ARNT2: variants seen among roughly 807,000 people sequenced by gnomAD.
ARNT2 encodes the protein ARNT protein 2.
In ARNT2, 36 loss-of-function variants were observed where a neutral mutation model predicts 91.7. That is an observed-to-expected ratio of 0.39 (90% CI 0.30 to 0.52). The LOEUF (loss-of-function observed/expected upper bound fraction) is 0.52. Ranked by LOEUF, ARNT2 falls within the 20% of genes least tolerant of loss-of-function variation. The pLI, the probability that ARNT2 is intolerant of heterozygous loss-of-function variation, is 0.72. For synonymous variants in ARNT2, 365 were observed against 347.1 expected, an observed-to-expected ratio of 1.05 and a Z score of -0.57; for missense variants, 775 against 939.3, an observed-to-expected ratio of 0.83 and a Z score of 2.29.
chr15:80,583,627 A>G (rs188612707), intron 17 of ARNT2, among the ~76,000 whole-genome samples: 2 of 152,358 alleles, frequency 1.3e-5, no homozygotes, highest in East Asian at 1.9e-4. Flanking sequence ...AGTGCTCACA[A>G]TAGCCCTAAG....
At chr15:80,480,136 A>C (rs748704483) in intron 5 of ARNT2, among the ~76,000 whole-genome samples, 3 of 152,176 alleles carry the variant, frequency 2.0e-5, no homozygotes, top group Non-Finnish European at 4.4e-5. Flanking sequence ...TGCCAGGATC[A>C]GATGGGAGTG....
At chr15:80,424,054 T>G (rs977976598) in intron 1 of ARNT2, among the ~76,000 whole-genome samples, 1 of 152,180 alleles carries the variant, frequency 6.6e-6, no homozygotes, top group Non-Finnish European at 1.5e-5. Flanking sequence ...CCCAGTTGCA[T>G]CTTACCAATG....
intron 1 of ARNT2, among the ~76,000 whole-genome samples, chr15:80,413,515 T>G (rs895275242): frequency 6.6e-6 from 1 of 152,202 alleles, no homozygotes; most frequent in Non-Finnish European, 1.5e-5. Flanking sequence ...AAATGCACAT[T>G]CAGGAGTTGT....
chr15:80,427,246 G>C (rs1390409793), intron 1 of ARNT2, among the ~76,000 whole-genome samples: 1 of 152,194 alleles, frequency 6.6e-6, no homozygotes, highest in East Asian at 1.9e-4. Context: ...GGCTGGGGCT[G>C]TGTGAGTGGG....
chr15:80,580,649 C>G, intron 16 of ARNT2, 100 bp downstream of exon 16: 1 of 1,506,092 alleles, frequency 6.6e-7, no homozygotes, highest in South Asian at 1.2e-5. Flanking sequence ...TGGGTCGGCT[C>G]CTAGCTGGAA....
intron 16 of ARNT2, 28 bp downstream of exon 16, chr15:80,580,577 C>T (rs766994228): frequency 2.5e-6 from 4 of 1,613,168 alleles, no homozygotes; most frequent in Middle Eastern, 1.9e-4. Flanking sequence ...GGCATCTCCC[C>T]TGGGTGACCA....
intron 8 of ARNT2, among the ~76,000 whole-genome samples, chr15:80,520,243 A>G (rs1897518786): frequency 6.6e-6 from 1 of 152,196 alleles, no homozygotes; most frequent in African/African-American, 2.4e-5. Context: ...CTGAAGATGT[A>G]GACTCAAGAG....
chr15:80,494,059 A>G (rs1010902818), intron 5 of ARNT2, among the ~76,000 whole-genome samples: 4 of 152,116 alleles, frequency 2.6e-5, no homozygotes, highest in African/African-American at 9.7e-5. Context: ...TGCTTCTTAT[A>G]CAGCTTGCAG....
At chr15:80,491,579 C>A (rs1897056433) in intron 5 of ARNT2, among the ~76,000 whole-genome samples, 1 of 152,112 alleles carries the variant, frequency 6.6e-6, no homozygotes. Context: ...AACCATTATG[C>A]ACTTGGAATT....
chr15:80,535,121 C>T (rs184411777), intron 8 of ARNT2, among the ~76,000 whole-genome samples: 2 of 152,324 alleles, frequency 1.3e-5, no homozygotes, highest in Admixed American at 1.3e-4. Context: ...TGGACTACCG[C>T]AGACATCTGG....
At chr15:80,586,671 G>C (rs934154290) in intron 17 of ARNT2, among the ~76,000 whole-genome samples, 1 of 151,996 alleles carries the variant, frequency 6.6e-6, no homozygotes, top group Non-Finnish European at 1.5e-5. Flanking sequence ...TCCAAGACCA[G>C]CCTGGCCAAC....
At chr15:80,557,350 T>C (rs1469333579) in intron 11 of ARNT2, among the ~76,000 whole-genome samples, 1 of 152,100 alleles carries the variant, frequency 6.6e-6, no homozygotes, top group African/African-American at 2.4e-5. Flanking sequence ...CTGTGATGTC[T>C]CCCTGGATAA....
intron 12 of ARNT2, among the ~76,000 whole-genome samples, chr15:80,572,228 G>A (rs1051254575): frequency 3.3e-5 from 5 of 152,092 alleles, no homozygotes; most frequent in Admixed American, 3.3e-4. Flanking sequence ...AGGGGCGGGT[G>A]CAGGTGTTAC....
intron 8 of ARNT2, among the ~76,000 whole-genome samples, chr15:80,529,182 C>T (rs1897695940): frequency 6.6e-6 from 1 of 152,236 alleles, no homozygotes; most frequent in Admixed American, 6.5e-5. Flanking sequence ...CATAGGGTTT[C>T]TTCTTGGTCC....
chr15:80,495,189 G>A (rs936820673), intron 5 of ARNT2, among the ~76,000 whole-genome samples: 1 of 152,258 alleles, frequency 6.6e-6, no homozygotes, highest in East Asian at 1.9e-4. Context: ...AACGCAAGAG[G>A]GCCCAGAGGG....
At chr15:80,422,011 G>T (rs543775307) in intron 1 of ARNT2, among the ~76,000 whole-genome samples, 1 of 152,168 alleles carries the variant, frequency 6.6e-6, no homozygotes, top group Non-Finnish European at 1.5e-5. Flanking sequence ...TAGAATGAAA[G>T]AAATTACAGA....
chr15:80,573,576 T>A (rs1567005604), intron 12 of ARNT2, among the ~76,000 whole-genome samples: 1 of 152,202 alleles, frequency 6.6e-6, no homozygotes, highest in East Asian at 1.9e-4. Flanking sequence ...CCAGCAAGTC[T>A]TTTTCTTCCC....
At chr15:80,405,408 C>T (rs1419561883) in intron 1 of ARNT2, among the ~76,000 whole-genome samples, 2 of 151,994 alleles carry the variant, frequency 1.3e-5, no homozygotes, top group Non-Finnish European at 2.9e-5. Flanking sequence ...GTTGCTGGGT[C>T]CCTGTGGAAG....
At chr15:80,418,888 A>C (rs1466974241) in intron 1 of ARNT2, among the ~76,000 whole-genome samples, 2 of 152,140 alleles carry the variant, frequency 1.3e-5, no homozygotes, top group African/African-American at 4.8e-5. Flanking sequence ...TCATTCATTC[A>C]ATAAATATTT....
Sources: allele counts gnomAD v4.1 joint callset (sites outside exome capture counted in the v4.1 genomes callset), GRCh38; gene constraint gnomAD v4.1.1; transcripts MANE v1.5; gene names NCBI Gene and HGNC (gene_info 2026-07-23, HGNC 2026-07-21).